Variants in ACER2 observed in about 807,000 individuals in gnomAD.
ACER2 encodes alkCDase 2.
ACER2 carries 26 observed loss-of-function variants against 34.7 expected under a neutral mutation model. The ratio of observed to expected loss-of-function variants is 0.75; its 90% CI spans 0.55 to 1.04. The LOEUF is 1.04. ACER2 is among the 50% of genes least tolerant of loss of function. The pLI, the probability that ACER2 is intolerant of heterozygous loss-of-function variation, is 0.00. For synonymous variants in ACER2, 138 were observed against 132.1 expected (o/e 1.04, Z -0.31); for missense variants, 352 against 340.8 (o/e 1.03, Z -0.26).
At chr9:19,438,417 C>T (rs1044846404) in intron 4 of ACER2, among the ~76,000 whole-genome samples, 2 of 152,126 alleles carry the variant, frequency 1.3e-5, no homozygotes, top group Admixed American at 1.3e-4. Flanking sequence ...CCCTAATGTG[C>T]CTTGGGTGAA....
intron 4 of ACER2, among the ~76,000 whole-genome samples, chr9:19,445,710 A>C (rs1831331878): frequency 1.3e-5 from 2 of 152,220 alleles, no homozygotes; most frequent in African/African-American, 4.8e-5. Context: ...GGAAGAGTAC[A>C]CACGAGAGGA....
At chr9:19,427,131 A>G (rs985191462) in intron 3 of ACER2, among the ~76,000 whole-genome samples, 7 of 152,104 alleles carry the variant, frequency 4.6e-5, no homozygotes, top group East Asian at 3.9e-4. Context: ...CTATTTCCCT[A>G]TCTGTAAAAT....
intron 1 of ACER2, among the ~76,000 whole-genome samples, chr9:19,420,914 A>G (rs1479507438): frequency 6.6e-6 from 1 of 152,186 alleles, no homozygotes; most frequent in Non-Finnish European, 1.5e-5. Context: ...CTCACCTCTT[A>G]GTACAGTTGT....
rs564592161 is a variant in ACER2, at chr9:19,429,537, G to T, written c.365+4696G>T. On this transcript the variant is annotated intron_variant, in intron 3 of 5. Coordinates refer to ENST00000340967, the MANE Select transcript of ACER2 (RefSeq NM_001010887.3). The stretch of plus-strand genomic sequence containing the variant: ...TGTAGAGACAAGGTTTTACCATGTT[G>T]CCCAGGCTGGTCTCAAACTCCTGGG... Among the ~76,000 whole-genome samples the T allele has an allele frequency of 5.9e-5, 9 of 152,134 alleles. No homozygotes were observed. In the East Asian group the frequency reaches 1.7e-3, roughly 30 times the overall value.
In ACER2 at chr9:19,424,853, C is replaced by G. The variant is rs757160796; in HGVS notation, c.365+12C>G. 1.2e-6 allele frequency: 2 copies of G among 1,613,976 alleles called. No individual in the cohort carries two copies. Among genetic ancestry groups the G allele is most frequent in the Admixed American group, 1.7e-5 (1 of 59,984 alleles). Reference sequence around the variant, plus strand: ...TTTCGGAATGACCGGTAAGCTTGCACTAAACATTATTGCATTTACCACTAG... The same window carrying G: ...TTTCGGAATGACCGGTAAGCTTGCAGTAAACATTATTGCATTTACCACTAG... On this transcript the variant is annotated intron_variant, in intron 3 of 5. Coordinates refer to ENST00000340967, the MANE Select transcript of ACER2 (RefSeq NM_001010887.3).
intron 4 of ACER2, among the ~76,000 whole-genome samples, chr9:19,440,819 TG>T (rs964201284): frequency 3.5e-4 from 53 of 152,290 alleles, no homozygotes; most frequent in African/African-American, 1.1e-3. Context: ...TCTACTATTA[TG>T]TGTCTAGCTG....
At position 19,451,841 on chromosome 9, in the gene ACER2, C is replaced by T. The variant is rs538632380; in HGVS notation, c.*1205C>T. The T allele has an allele frequency of 2.0e-5, 3 of 152,306 alleles. No homozygotes were observed. In the South Asian group the frequency reaches 6.2e-4, roughly 32 times the overall value. 9.4% of individuals were successfully genotyped at this position (152,306 alleles called of 1,614,324 possible). The stretch of plus-strand genomic sequence containing the variant: ...GCTGTACTATTCTGGAAATTACCTT[C>T]AAGAGTCTCACTTCTTGTTTCTGTT... On this transcript the variant is annotated 3_prime_UTR_variant, in exon 6 of 6. Transcript: ENST00000340967.
chr9:19,441,048 CTTTTT>C (rs539195950), intron 4 of ACER2, among the ~76,000 whole-genome samples: 2 of 138,918 alleles, frequency 1.4e-5, no homozygotes, highest in Non-Finnish European at 1.6e-5. Flanking sequence ...TTTTCTTTTT[CTTTTT>C]TTTTTTTTTT....
chr9:19,435,869 G>A (rs987098431), intron 4 of ACER2, among the ~76,000 whole-genome samples: 3 of 151,310 alleles, frequency 2.0e-5, no homozygotes, highest in African/African-American at 4.9e-5. Flanking sequence ...CTAACACAGT[G>A]AAACCCCGTC....
chr9:19,418,802 C>A (rs919700680), intron 1 of ACER2, among the ~76,000 whole-genome samples: 5 of 152,058 alleles, frequency 3.3e-5, no homozygotes, highest in Non-Finnish European at 7.4e-5. Context: ...ATGTAACAAA[C>A]CTGCACGTTC....
intron 1 of ACER2, among the ~76,000 whole-genome samples, chr9:19,423,087 C>T (rs1023383034): frequency 2.0e-5 from 3 of 150,868 alleles, no homozygotes; most frequent in African/African-American, 7.3e-5. Context: ...TGTACCTAGT[C>T]CCAGCTACTT....
Position 19,451,746 on chromosome 9 carries a change from G to A in ACER2, c.*1110G>A, listed in dbSNP as rs1360997411. ...AAGGGCTCCTCACAATTGTGGTGGGGGTTCTGGTTCAAAATTTGGAGCAAA... is the reference window on the plus strand; with the variant it reads ...AAGGGCTCCTCACAATTGTGGTGGGAGTTCTGGTTCAAAATTTGGAGCAAA... On this transcript the variant is annotated 3_prime_UTR_variant, in exon 6 of 6. Transcript: ENST00000340967. The A allele has an allele frequency of 6.6e-6, 1 of 152,116 alleles. No homozygotes were observed. The highest frequency in any genetic ancestry group is 2.4e-5 in the African/African-American group (1 of 41,408). 9.4% of individuals were successfully genotyped at this position (152,116 alleles called of 1,614,324 possible). A position where few individuals can be genotyped will look rare whatever the true frequency, so the allele number is the denominator to read the frequency against.
At chr9:19,418,410 C>T (rs1180743430) in intron 1 of ACER2, among the ~76,000 whole-genome samples, 1 of 152,140 alleles carries the variant, frequency 6.6e-6, no homozygotes, top group African/African-American at 2.4e-5. Context: ...ATGTTTATTG[C>T]AGCACTGTTC....
intron 4 of ACER2, among the ~76,000 whole-genome samples, chr9:19,442,663 T>G (rs976386467): frequency 6.6e-6 from 1 of 152,240 alleles, no homozygotes; most frequent in African/African-American, 2.4e-5. Context: ...AGCCAAACTT[T>G]CTAGGTTTAA....
chr9:19,437,022 C>T (rs1215992889), intron 4 of ACER2, among the ~76,000 whole-genome samples: 2 of 152,194 alleles, frequency 1.3e-5, no homozygotes, highest in Non-Finnish European at 2.9e-5. Context: ...TACTCTGCTC[C>T]TTTGCTTCCT....
At chr9:19,421,843 T>TA (rs1330201186) in intron 1 of ACER2, among the ~76,000 whole-genome samples, 1 of 152,072 alleles carries the variant, frequency 6.6e-6, no homozygotes, top group Non-Finnish European at 1.5e-5. Context: ...AAAAGTAAGT[T>TA]AAAAAAATTA....
At chr9:19,411,070 C>G (rs1471058180) in intron 1 of ACER2, among the ~76,000 whole-genome samples, 1 of 152,158 alleles carries the variant, frequency 6.6e-6, no homozygotes, top group Non-Finnish European at 1.5e-5. Context: ...CTGAGTCTGT[C>G]TTGAAAAGTG....
intron 4 of ACER2, 151 bp from the exon 5 acceptor site, chr9:19,446,130 A>C: frequency 9.2e-7 from 1 of 1,090,330 alleles, no homozygotes; most frequent in Non-Finnish European, 1.4e-6. Flanking sequence ...TACATCCATG[A>C]GACTGTGGAG....
intron 5 of ACER2, among the ~76,000 whole-genome samples, chr9:19,448,487 G>T (rs959204005): frequency 6.6e-6 from 1 of 152,136 alleles, no homozygotes; most frequent in African/African-American, 2.4e-5. Context: ...AACGGACTTT[G>T]AGGTTATTTC....
Sources: allele counts gnomAD v4.1 joint callset (sites outside exome capture counted in the v4.1 genomes callset), GRCh38; gene constraint gnomAD v4.1.1; transcripts MANE v1.5; gene names NCBI Gene and HGNC (gene_info 2026-07-23, HGNC 2026-07-21).